CAD: variants seen among roughly 807,000 people sequenced by gnomAD.
CAD encodes carbamoyl-phosphate synthetase 2, aspartate transcarbamylase, and dihydroorotase.
A neutral mutation model predicts 237.2 loss-of-function variants in CAD; 81 were observed. The ratio of observed to expected loss-of-function variants is 0.34; its 90% CI spans 0.29 to 0.41. The LOEUF (loss-of-function observed/expected upper bound fraction) is 0.41, where lower values mean the gene tolerates loss of function less well. Among genes scored for constraint, CAD ranks in the 10% least tolerant of loss-of-function variants. The probability of loss-of-function intolerance (pLI) is 1.00; values close to 1 mark genes in which losing one functional copy is unlikely to be tolerated. For missense variants in CAD, 2,181 were observed against 2,951.7 expected (o/e 0.74, Z 6.05); for synonymous variants, 1,196 against 1,162.8 (o/e 1.03, Z -0.58).
At position 27,239,829 on chromosome 2, in the gene CAD, A is replaced by G; in HGVS notation, c.5496+31A>G. ...CACACTACTGGGCTAGGGGGCTGGGAGGTGTTAGTCTCAGGGCAGGATGAA... is the reference window on the plus strand; with the variant it reads ...CACACTACTGGGCTAGGGGGCTGGGGGGTGTTAGTCTCAGGGCAGGATGAA... On this transcript the variant is annotated intron_variant, in intron 34 of 43. Coordinates refer to ENST00000264705, the MANE Select transcript of CAD (RefSeq NM_004341.5). The surrounding 1 kb of genome is among the most constrained non-coding windows in gnomAD (Gnocchi z 4.0). 1 of 1,444,310 alleles carries G rather than the reference A, an allele frequency of 6.9e-7. No individual in the cohort carries two copies. Among genetic ancestry groups the G allele is most frequent in the South Asian group, 1.4e-5 (1 of 72,758 alleles). 89.5% of individuals were successfully genotyped at this position (1,444,310 alleles called of 1,614,324 possible).
Position 27,242,980 on chromosome 2 carries a change from G to C in CAD, c.6480+7G>C, listed in dbSNP as rs374473260. 1.9e-6 allele frequency: 3 copies of C among 1,588,342 alleles called. No homozygotes were observed. The highest frequency in any genetic ancestry group is 2.6e-6 in the Non-Finnish European group (3 of 1,162,568). ...TACCCAGGAGTACGAAGCTGTGAGTGCTGGGCTTGAGGAAGAAGCCAGGGC... is the reference window on the plus strand; with the variant it reads ...TACCCAGGAGTACGAAGCTGTGAGTCCTGGGCTTGAGGAAGAAGCCAGGGC... On this transcript the variant is annotated splice_region_variant and intron_variant, in intron 42 of 43. Coordinates refer to ENST00000264705, the MANE Select transcript of CAD (RefSeq NM_004341.5). The surrounding 1 kb of genome is among the most constrained non-coding windows in gnomAD (Gnocchi z 6.4).
chr2:27,222,877 CTCT>C lies in CAD; in HGVS notation c.654_656del (p.Phe218del). ...TCTGCCCACTCCAGAGTATGAGGGT[CTCT>C]TCTTAAGTAATGGGCCTGGTGACCC... On this transcript the variant is annotated inframe_deletion, in exon 6 of 44. Transcript: ENST00000264705. 1 of 1,614,118 alleles carries C rather than the reference CTCT, an allele frequency of 6.2e-7. No individual in the cohort carries two copies. Among genetic ancestry groups the C allele is most frequent in the Non-Finnish European group, 8.5e-7 (1 of 1,179,990 alleles).
At position 27,232,423 on chromosome 2, in the gene CAD, G is replaced by A; in HGVS notation, c.2646-25G>A. On this transcript the variant is annotated intron_variant, in intron 17 of 43. Coordinates refer to ENST00000264705, the MANE Select transcript of CAD (RefSeq NM_004341.5). The surrounding 1 kb of genome is among the most constrained non-coding windows in gnomAD (Gnocchi z 4.1). The stretch of plus-strand genomic sequence containing the variant: ...TCTGTACCCTACTCTCTGGGCCTGT[G>A]TTTCAGACCCTTTTTCTATTTTAGC... 2 of 1,613,754 alleles carry A rather than the reference G, an allele frequency of 1.2e-6. No homozygotes were observed. Among genetic ancestry groups the A allele is most frequent in the African/African-American group, 1.3e-5 (1 of 75,024 alleles).
intron 15 of CAD, among the ~76,000 whole-genome samples, chr2:27,229,728 T>C (rs1385265684): frequency 6.6e-6 from 1 of 151,442 alleles, no homozygotes; most frequent in African/African-American, 2.4e-5. Flanking sequence ...ATACAAAAAT[T>C]AGCTAGGCAT....
chr2:27,235,814 G>A lies in CAD; in HGVS notation c.4074+174G>A. ...CAGGAGGTAGAGGCTGCAGTGAGCT[G>A]CGAGTGTGCAGTGAGTGCACCACTG... On this transcript the variant is annotated intron_variant, in intron 25 of 43. Coordinates refer to ENST00000264705, the MANE Select transcript of CAD (RefSeq NM_004341.5). This position sits in a 1 kb window ranked among gnomAD's most constrained non-coding sequence, Gnocchi z 5.2. 1 of 596,126 alleles carries A rather than the reference G, an allele frequency of 1.7e-6. No individual in the cohort carries two copies. Among genetic ancestry groups the A allele is most frequent in the South Asian group, 2.0e-5 (1 of 49,728 alleles). The allele number at this position is 596,126 out of a possible 1,614,324, so 36.9% of individuals were successfully genotyped here. A position where few individuals can be genotyped will look rare whatever the true frequency, so the allele number is the denominator to read the frequency against.
chr2:27,224,607 A>G, intron 9 of CAD, 117 bp downstream of exon 9: 1 of 1,541,546 alleles, frequency 6.5e-7, no homozygotes, highest in Non-Finnish European at 8.8e-7. Flanking sequence ...GAATGTAGAG[A>G]AAGATGTAGT....
In CAD at chr2:27,243,590, G is replaced by C; in HGVS notation, c.*72G>C. ...AGGAATTCCAGTGCCTCCTACGGGG[G>C]CAGCACACTTAGATATTCCTGGACA... On this transcript the variant is annotated 3_prime_UTR_variant, in exon 44 of 44. Transcript: ENST00000264705. The C allele has an allele frequency of 7.0e-6, 8 of 1,142,604 alleles. No individual in the cohort carries two copies. The highest frequency in any genetic ancestry group is 1.0e-5 in the Non-Finnish European group (8 of 781,336). The allele number at this position is 1,142,604 out of a possible 1,614,324, so 70.8% of individuals were successfully genotyped here.
Position 27,233,999 on chromosome 2 carries a change from C to A in CAD, c.3400-9C>A, listed in dbSNP as rs1246868890. The A allele has an allele frequency of 1.9e-6, 3 of 1,612,386 alleles. No homozygotes were observed. The highest frequency in any genetic ancestry group is 1.1e-5 in the South Asian group (1 of 90,884). On this transcript the variant is annotated splice_polypyrimidine_tract_variant and intron_variant, in intron 21 of 43. Transcript: ENST00000264705. This position sits in a 1 kb window ranked among gnomAD's most constrained non-coding sequence, Gnocchi z 6.3. ...GCCCTATGTCCCACTGTCTGTGTCCCCCCGCTAGGAGATTGACGTGGATGC... is the reference window on the plus strand; with the variant it reads ...GCCCTATGTCCCACTGTCTGTGTCCACCCGCTAGGAGATTGACGTGGATGC...
In CAD at chr2:27,233,368, T is replaced by C. The variant is rs1248922738; in HGVS notation, c.3048T>C (p.Gly1016=). ...ENPEGVILSM[G]GQLPNNMAMA... ...CTGAAGGTGTGATCCTATCCATGGG[T>C]GGACAGCTGCCCAACAACATGGCCA... Residue 1016 remains glycine (G), a synonymous_variant, in exon 20 of 44, where the codon GGT becomes GGC. Transcript: ENST00000264705. The surrounding 1 kb of genome is among the most constrained non-coding windows in gnomAD (Gnocchi z 6.3). The C allele has an allele frequency of 4.3e-6, 7 of 1,614,260 alleles. No individual in the cohort carries two copies. Among genetic ancestry groups the C allele is most frequent in the Non-Finnish European group, 5.9e-6 (7 of 1,180,038 alleles).
intron 15 of CAD, among the ~76,000 whole-genome samples, chr2:27,229,341 C>T (rs1675609841): frequency 6.6e-6 from 1 of 152,048 alleles, no homozygotes; most frequent in South Asian, 2.1e-4. Context: ...TGACTTAGCT[C>T]ACTGCAGCTT....
At chr2:27,220,304 G>A (rs909659830) in intron 2 of CAD, among the ~76,000 whole-genome samples, 1 of 152,172 alleles carries the variant, frequency 6.6e-6, no homozygotes, top group Non-Finnish European at 1.5e-5. Flanking sequence ...TGTATTGGGT[G>A]AGTGGGAGGG....
chr2:27,224,884 T>C lies in CAD; in HGVS notation c.1386+8T>C. On this transcript the variant is annotated splice_region_variant and intron_variant, in intron 10 of 43. Coordinates refer to ENST00000264705, the MANE Select transcript of CAD (RefSeq NM_004341.5). The stretch of plus-strand genomic sequence containing the variant: ...CCTCATTATGTAACCCAGGTATGAC[T>C]GGGGCAAGGCTGGAATGAAAAGAGG... The C allele has an allele frequency of 1.2e-6, 2 of 1,614,156 alleles. No homozygotes were observed.
In CAD at chr2:27,225,721, A is replaced by C; in HGVS notation, c.1637A>C (p.Glu546Ala). Residue 546 changes from glutamate to alanine, a missense_variant, in exon 12 of 44, where the codon GAA becomes GCA. Glu to Ala is a moderately radical substitution (Grantham distance 107). Around this residue, in one of 12 missense-constraint regions of CAD, gnomAD observed 174 missense variants for 215.8 expected, o/e 0.81. Coordinates refer to ENST00000264705, the MANE Select transcript of CAD (RefSeq NM_004341.5). ...TCATTGCAGGCCCAGGCAGCCGCTGAACGGCTGGGGTACCCTGTGCTAGTG... is the reference window on the plus strand; with the variant it reads ...TCATTGCAGGCCCAGGCAGCCGCTGCACGGCTGGGGTACCCTGTGCTAGTG... ...NSLEQAQAAA[E>A]RLGYPVLVRA... 6.2e-7 allele frequency: 1 copy of C among 1,614,004 alleles called. No homozygotes were observed. The highest frequency in any genetic ancestry group is 1.3e-5 in the African/African-American group (1 of 75,032).
Position 27,235,592 on chromosome 2 carries a change from CTA to C in CAD, c.4028_4029del (p.Tyr1343CysfsTer7). The C allele has an allele frequency of 6.2e-7, 1 of 1,614,182 alleles. No homozygotes were observed. The highest frequency in any genetic ancestry group is 8.5e-7 in the Non-Finnish European group (1 of 1,180,032). ...RLLESLGYSL[Y>X]ASLGTADFYT... ...TACTGGAGAGCCTGGGCTACAGCCT[CTA>C]TGCCAGTCTCGGCACAGCTGACTTC... On this transcript the variant is annotated frameshift_variant, in exon 25 of 44. Coordinates refer to ENST00000264705, the MANE Select transcript of CAD (RefSeq NM_004341.5). LOFTEE classifies it high-confidence loss of function. The surrounding 1 kb of genome is among the most constrained non-coding windows in gnomAD (Gnocchi z 5.2).
At position 27,232,300 on chromosome 2, in the gene CAD, G is replaced by A; in HGVS notation, c.2645+76G>A. 1 of 1,591,988 alleles carries A rather than the reference G, an allele frequency of 6.3e-7. No homozygotes were observed. The highest frequency in any genetic ancestry group is 1.3e-5 in the African/African-American group (1 of 74,738). On this transcript the variant is annotated intron_variant, in intron 17 of 43. Transcript: ENST00000264705. The surrounding 1 kb of genome is among the most constrained non-coding windows in gnomAD (Gnocchi z 4.1). ...TTGTATCAGTGAGGGACCCTTGGGA[G>A]GGAGGAAGGAGAGTGTGGGAGAGCT...
Position 27,242,717 on chromosome 2 carries a change from C to T in CAD, c.6320C>T (p.Pro2107Leu), listed in dbSNP as rs765744772. The T allele has an allele frequency of 3.7e-6, 6 of 1,614,182 alleles. No homozygotes were observed. The highest frequency in any genetic ancestry group is 4.5e-5 in the East Asian group (2 of 44,882). The change falls in exon 41 of 44, where the codon CCC (proline) becomes CTC (leucine). Residue 2107 changes from proline (P) to leucine (L), a missense_variant. Physicochemically the swap from Pro to Leu is moderately conservative, Grantham distance 98. Coordinates refer to ENST00000264705, the MANE Select transcript of CAD (RefSeq NM_004341.5). The surrounding 1 kb of genome is among the most constrained non-coding windows in gnomAD (Gnocchi z 6.4). Reference protein sequence around the residue: ...YRVSLRYVAPPSLRMPPTVRA... With the variant: ...YRVSLRYVAPLSLRMPPTVRA... The stretch of plus-strand genomic sequence containing the variant: ...GTCAGCCTGCGCTACGTGGCACCTC[C>T]CAGCCTGCGCATGCCACCCACTGTG...
chr2:27,236,821 C>T lies in CAD; in HGVS notation c.4387C>T (p.Arg1463Ter). 3 of 1,613,934 alleles carry T rather than the reference C, an allele frequency of 1.9e-6. No homozygotes were observed. The highest frequency in any genetic ancestry group is 3.3e-5 in the Admixed American group (2 of 60,012). ...VDCMTSQKLVRLPGLIDVHVH... is the reference protein window; with the variant it reads ...VDCMTSQKLV ...CTGTATGACCTCCCAAAAGCTTGTGCGACTGCCGGGTAAGTCTTTGGGGAG... is the reference window on the plus strand; with the variant it reads ...CTGTATGACCTCCCAAAAGCTTGTGTGACTGCCGGGTAAGTCTTTGGGGAG... Residue 1463 changes from arginine to a stop codon, truncating the protein, a stop_gained, in exon 27 of 44, where the codon CGA becomes TGA. Coordinates refer to ENST00000264705, the MANE Select transcript of CAD (RefSeq NM_004341.5). LOFTEE classifies it high-confidence loss of function. This position sits in a 1 kb window ranked among gnomAD's most constrained non-coding sequence, Gnocchi z 4.1.
chr2:27,241,106 C>A lies in CAD; in HGVS notation c.5687C>A (p.Pro1896Gln). The A allele has an allele frequency of 6.2e-7, 1 of 1,609,224 alleles. No homozygotes were observed. The highest frequency in any genetic ancestry group is 2.2e-5 in the East Asian group (1 of 44,848). The change falls in exon 37 of 44, where the codon CCG (proline) becomes CAG (glutamine). Residue 1896 changes from proline (P) to glutamine (Q), a missense_variant. Pro to Gln is a moderately conservative substitution (Grantham distance 76, BLOSUM62 -1). Coordinates refer to ENST00000264705, the MANE Select transcript of CAD (RefSeq NM_004341.5). The surrounding 1 kb of genome is among the most constrained non-coding windows in gnomAD (Gnocchi z 4.6). ...DGTCYPPPPV[P>Q]RQASPQNLGT... ...ACCTGCTACCCTCCACCACCAGTAC[C>A]GAGACAGGCATCTCCCCAGAACCTG...
intron 9 of CAD, 78 bp from the exon 10 acceptor site, chr2:27,224,667 A>G: frequency 6.3e-7 from 1 of 1,581,158 alleles, no homozygotes; most frequent in Non-Finnish European, 8.7e-7. Context: ...GAGGGAAAGA[A>G]GAGGAGAATG....
Sources: gnomAD v4.1 joint callset for allele counts (sites outside exome capture counted in the v4.1 genomes callset) on GRCh38, gnomAD v4.1.1 for gene constraint, gnomAD v4.1.1 regional missense constraint, Gnocchi (gnomAD v3.1) non-coding constraint, MANE v1.5 for transcripts, NCBI Gene and HGNC (gene_info 2026-07-23, HGNC 2026-07-21) for gene names.